KMT2C: variants seen among roughly 807,000 people sequenced by gnomAD.
The protein encoded by KMT2C is histone-lysine N-methyltransferase 2C.
In KMT2C, 88 loss-of-function variants were observed where a neutral mutation model predicts 507.9. The ratio of observed to expected loss-of-function variants is 0.17; its 90% CI spans 0.15 to 0.21. The LOEUF is 0.21. Among genes scored for constraint, KMT2C ranks in the 10% least tolerant of loss-of-function variants. KMT2C has a pLI of 1.00. For synonymous variants in KMT2C, 2,049 were observed against 2,080.8 expected (o/e 0.98, Z 0.42); for missense variants, 4,954 against 5,957.8 (o/e 0.83, Z 5.55).
At position 152,181,943 on chromosome 7, in the gene KMT2C, C is replaced by T. The variant is rs2093447242; in HGVS notation, c.5917G>A (p.Val1973Met). Reference sequence around the variant, plus strand: ...GATTTGGGAAATTGATCTGTCATCACAGGCCTAGGTGTGTCTGGAGGTTTT... The same window carrying T: ...GATTTGGGAAATTGATCTGTCATCATAGGCCTAGGTGTGTCTGGAGGTTTT... ...YAKPPDTPRP[V>M]MTDQFPKSLG... Residue 1973 changes from valine to methionine, a missense_variant, in exon 36 of 59, where the codon GTG (valine) becomes ATG (methionine). By Grantham distance (21) the Val-to-Met change is conservative. This residue lies in a region of KMT2C where 1,689 missense variants were observed against 1,654.3 expected (regional missense o/e 1.02). Coordinates refer to ENST00000262189, the MANE Select transcript of KMT2C (RefSeq NM_170606.3). The T allele has an allele frequency of 6.2e-7, 1 of 1,614,198 alleles. No homozygotes were observed. The highest frequency in any genetic ancestry group is 8.5e-7 in the Non-Finnish European group (1 of 1,180,030).
chr7:152,315,126 G>A lies in KMT2C; in HGVS notation c.590+12C>T, dbSNP rs1484776209. ...TTAATCTATTCCAACATTTAAAGTC[G>A]AAACTGCTTACTTTCTCTGTCCTCT... On this transcript the variant is annotated intron_variant, in intron 4 of 58. Transcript: ENST00000262189. 1.2e-5 allele frequency: 20 copies of A among 1,610,364 alleles called. No individual in the cohort carries two copies. The highest frequency in any genetic ancestry group is 1.4e-5 in the Non-Finnish European group (17 of 1,177,218).
intron 9 of KMT2C, among the ~76,000 whole-genome samples, chr7:152,262,089 C>A (rs1250493528): frequency 6.6e-6 from 1 of 152,110 alleles, no homozygotes; most frequent in Non-Finnish European, 1.5e-5. Context: ...AGGTGCCAAA[C>A]CTCACTGGCG....
intron 2 of KMT2C, among the ~76,000 whole-genome samples, chr7:152,340,787 AT>A (rs964643984): frequency 1.4e-4 from 22 of 152,270 alleles, no homozygotes; most frequent in African/African-American, 4.1e-4. Flanking sequence ...ATTTAATGTG[AT>A]TTTTTAATGC....
intron 31 of KMT2C, among the ~76,000 whole-genome samples, chr7:152,190,140 G>A (rs1479027381): frequency 6.6e-6 from 1 of 152,124 alleles, no homozygotes. Context: ...ACCAACCTGG[G>A]TTTGTGAAAA....
chr7:152,417,265 CCCA>C (rs1223951300), intron 1 of KMT2C, among the ~76,000 whole-genome samples: 1 of 151,926 alleles, frequency 6.6e-6, no homozygotes. Flanking sequence ...ATTACAGGTG[CCCA>C]CCACCATGTC....
At chr7:152,206,310 C>A (rs538372563) in intron 24 of KMT2C, among the ~76,000 whole-genome samples, 1 of 151,758 alleles carries the variant, frequency 6.6e-6, no homozygotes. Context: ...ACGGTAAATA[C>A]AAGTTCCTGG....
intron 6 of KMT2C, among the ~76,000 whole-genome samples, chr7:152,282,388 T>TATTG (rs1213446342): frequency 6.6e-6 from 1 of 152,060 alleles, no homozygotes; most frequent in African/African-American, 2.4e-5. Context: ...AGAAATGTAC[T>TATTG]GCAATGTTCA....
chr7:152,240,173 G>A (rs1280247728), intron 14 of KMT2C, among the ~76,000 whole-genome samples: 9 of 152,150 alleles, frequency 5.9e-5, no homozygotes, highest in African/African-American at 2.2e-4. Context: ...TGATTTCACT[G>A]AGCAGCAACC....
At position 152,162,846 on chromosome 7, in the gene KMT2C, G is replaced by A; in HGVS notation, c.10731C>T (p.Thr3577=). ...TTGATCCCGGATAACTGTGTCCATG[G>A]GTTATAGTAGAATCTTGGCCACATG... The part of the protein sequence containing the change: ...SLPCGQDSTI[T]HGHSYPGSTQ... The change falls in exon 43 of 59, where the codon ACC becomes ACT. Residue 3577 remains threonine (T), a synonymous_variant. Coordinates refer to ENST00000262189, the MANE Select transcript of KMT2C (RefSeq NM_170606.3). 1 of 1,614,144 alleles carries A rather than the reference G, an allele frequency of 6.2e-7. No individual in the cohort carries two copies. The highest frequency in any genetic ancestry group is 8.5e-7 in the Non-Finnish European group (1 of 1,180,024).
chr7:152,339,026 A>C (rs2096965047), intron 2 of KMT2C, among the ~76,000 whole-genome samples: 1 of 152,252 alleles, frequency 6.6e-6, no homozygotes, highest in Admixed American at 6.5e-5. Context: ...AAGGTTAAAT[A>C]CTTCTTTGAA....
At chr7:152,394,294 A>G (rs1381309081) in intron 1 of KMT2C, among the ~76,000 whole-genome samples, 2 of 152,304 alleles carry the variant, frequency 1.3e-5, no homozygotes, top group African/African-American at 4.8e-5. Context: ...AATCCAGAGT[A>G]AAAGTCAAAA....
At chr7:152,248,791 A>T (rs553361539) in intron 13 of KMT2C, among the ~76,000 whole-genome samples, 171 bp from the exon 14 acceptor site, 51 of 152,374 alleles carry the variant, frequency 3.3e-4, no homozygotes, top group African/African-American at 1.2e-3. Flanking sequence ...TATGGATTAG[A>T]ATCAGCCACA....
intron 14 of KMT2C, among the ~76,000 whole-genome samples, chr7:152,244,053 T>C (rs1487307127): frequency 1.3e-5 from 2 of 152,202 alleles, no homozygotes; most frequent in Non-Finnish European, 2.9e-5. Context: ...ATGAGAGAAA[T>C]GGACTGAAGA....
At position 152,205,107 on chromosome 7, in the gene KMT2C, A is replaced by G. The variant is rs763269393; in HGVS notation, c.3960T>C (p.Asp1320=). The change falls in exon 25 of 59, where the codon GAT becomes GAC. Residue 1320 remains aspartate (D), a splice_region_variant and synonymous_variant. Coordinates refer to ENST00000262189, the MANE Select transcript of KMT2C (RefSeq NM_170606.3). ...SISEQLPCRD[D]GWSEQLPDTL... ...TTTTTTTTTAAGTCAGTACTATACC[A>G]TCATCTCTGCAAGGTAACTGCTCGG... 8.7e-6 allele frequency: 14 copies of G among 1,609,468 alleles called. No homozygotes were observed. The Admixed American group carries it at 2.0e-4, about 23-fold the overall frequency.
chr7:152,197,448 TG>T (rs766682090), intron 27 of KMT2C, among the ~76,000 whole-genome samples: 1 of 152,200 alleles, frequency 6.6e-6, no homozygotes, highest in Non-Finnish European at 1.5e-5. Flanking sequence ...CAAACAGTCT[TG>T]GTCCCATTAT....
At chr7:152,343,032 C>T (rs1181523486) in intron 2 of KMT2C, among the ~76,000 whole-genome samples, 2 of 152,108 alleles carry the variant, frequency 1.3e-5, no homozygotes, top group Non-Finnish European at 2.9e-5. Context: ...CACCACATTA[C>T]TACAGGCCTA....
At chr7:152,331,901 G>A (rs1303124084) in intron 2 of KMT2C, among the ~76,000 whole-genome samples, 5 of 151,324 alleles carry the variant, frequency 3.3e-5, no homozygotes, top group Admixed American at 1.3e-4. Context: ...CACCTGCCTC[G>A]GCCTCCCAAA....
intron 4 of KMT2C, among the ~76,000 whole-genome samples, chr7:152,313,222 T>C (rs1407192280): frequency 6.6e-6 from 1 of 152,036 alleles, no homozygotes; most frequent in Non-Finnish European, 1.5e-5. Context: ...TTACAAATCA[T>C]TGTTATTTTA....
intron 1 of KMT2C, among the ~76,000 whole-genome samples, chr7:152,399,479 G>A (rs1250287022): frequency 6.6e-6 from 1 of 152,046 alleles, no homozygotes; most frequent in African/African-American, 2.4e-5. Context: ...CATGGGAGTT[G>A]GCACTTTGGG....
Sources: allele counts gnomAD v4.1 joint callset (sites outside exome capture counted in the v4.1 genomes callset), GRCh38; gene constraint gnomAD v4.1.1; regional missense constraint gnomAD v4.1.1; transcripts MANE v1.5; gene names NCBI Gene and HGNC (gene_info 2026-07-23, HGNC 2026-07-21).